The following THEM4 variants were observed in gnomAD, a reference collection of about 807,000 sequenced individuals.
The protein encoded by THEM4 is acyl-coenzyme A thioesterase THEM4.
In THEM4, 22 loss-of-function variants were observed where a neutral mutation model predicts 25.0. The ratio of observed to expected loss-of-function variants is 0.88; its 90% CI spans 0.63 to 1.26. The LOEUF (loss-of-function observed/expected upper bound fraction) is 1.26. Among genes scored for constraint, THEM4 ranks in the 50% most tolerant of loss-of-function variants. THEM4 has a pLI of 0.00. For synonymous variants in THEM4, 113 were observed against 105.6 expected (o/e 1.07, Z -0.43); for missense variants, 286 against 300.3 (o/e 0.95, Z 0.35).
In THEM4 at chr1:151,872,474, A is replaced by G. The variant is rs1653575432; in HGVS notation, c.*2414T>C. Among the ~76,000 whole-genome samples, 1 of 152,226 alleles carries G rather than the reference A, an allele frequency of 6.6e-6. No individual in the cohort carries two copies. The highest frequency in any genetic ancestry group is 2.4e-5 in the African/African-American group (1 of 41,472). The stretch of plus-strand genomic sequence containing the variant: ...GCCCAAATAATCTATTGCCTGCACT[A>G]GGAAGCAGAATATATTTTCCAGAAC... On this transcript the variant is annotated 3_prime_UTR_variant, in exon 6 of 6. Coordinates refer to ENST00000368814, the MANE Select transcript of THEM4 (RefSeq NM_053055.5).
In THEM4 at chr1:151,876,996, C is replaced by G. The variant is rs1377132450; in HGVS notation, c.682+5G>C. On this transcript the variant is annotated splice_donor_5th_base_variant and intron_variant, in intron 5 of 5. Transcript: ENST00000368814. ...CCCAAGAAAGAGATAAGACCAGCTTCTTACTTGTCGCCTCTGAGTATAGGG... is the reference window on the plus strand; with the variant it reads ...CCCAAGAAAGAGATAAGACCAGCTTGTTACTTGTCGCCTCTGAGTATAGGG... The G allele has an allele frequency of 6.2e-7, 1 of 1,603,638 alleles. No individual in the cohort carries two copies. The highest frequency in any genetic ancestry group is 2.2e-5 in the East Asian group (1 of 44,766).
intron 1 of THEM4, among the ~76,000 whole-genome samples, chr1:151,908,882 G>T (rs964035992): frequency 6.6e-6 from 1 of 152,104 alleles, no homozygotes; most frequent in African/African-American, 2.4e-5. Context: ...GCCTGTCTGT[G>T]TAGTTATATA....
intron 4 of THEM4, among the ~76,000 whole-genome samples, chr1:151,879,768 T>A (rs1653771961): frequency 6.6e-6 from 1 of 151,688 alleles, no homozygotes; most frequent in Admixed American, 6.6e-5. Flanking sequence ...GCGATTCTCC[T>A]GCCTCGGCCT....
intron 1 of THEM4, 23 bp downstream of exon 1, chr1:151,909,337 T>C (rs981261255): frequency 6.6e-7 from 1 of 1,510,932 alleles, no homozygotes. Context: ...TCCCGCCCCA[T>C]GCCCGAGGGT....
At chr1:151,896,463 A>C (rs909553875) in intron 1 of THEM4, among the ~76,000 whole-genome samples, 1 of 152,190 alleles carries the variant, frequency 6.6e-6, no homozygotes, top group African/African-American at 2.4e-5. Context: ...TGGGCAAAAG[A>C]GGCATGAAAC....
intron 3 of THEM4, 91 bp from the exon 4 acceptor site, chr1:151,888,474 C>T (rs1385668700): frequency 4.5e-6 from 4 of 894,072 alleles, no homozygotes; most frequent in South Asian, 3.4e-5. Flanking sequence ...AGCATCTTCA[C>T]ACTATTTACT....
At chr1:151,884,967 G>T (rs749817035) in intron 4 of THEM4, among the ~76,000 whole-genome samples, 1 of 151,992 alleles carries the variant, frequency 6.6e-6, no homozygotes, top group African/African-American at 2.4e-5. Context: ...GATTACAGGC[G>T]TGAGCCACCA....
intron 4 of THEM4, among the ~76,000 whole-genome samples, chr1:151,886,971 G>T (rs574226032): frequency 1.0e-3 from 154 of 152,298 alleles, no homozygotes; most frequent in African/African-American, 3.3e-3. Flanking sequence ...ACAAAGATCT[G>T]TTTACAAATG....
rs1257948602 is a variant in THEM4, at chr1:151,893,012, G to A, written c.286+1996C>T. On this transcript the variant is annotated intron_variant, in intron 2 of 5. Transcript: ENST00000368814. ...AGTCAACAGCTGTGCCAAAAGCTGA[G>A]AGGTTAGCGGACTCAGCAACATGAA... Among the ~76,000 whole-genome samples the A allele has an allele frequency of 4.6e-5, 7 of 152,292 alleles. No homozygotes were observed. The South Asian group carries it at 1.0e-3, about 23-fold the overall frequency.
Position 151,871,393 on chromosome 1 carries a change from T to G in THEM4, c.*3495A>C, listed in dbSNP as rs1653552322. On this transcript the variant is annotated 3_prime_UTR_variant, in exon 6 of 6. Transcript: ENST00000368814. The stretch of plus-strand genomic sequence containing the variant: ...GAAGGAAACAGGAAATGAGGAATAG[T>G]TCCATTAGGTCACACAGCAAGCCAG... Among the ~76,000 whole-genome samples the G allele has an allele frequency of 6.6e-6, 1 of 151,856 alleles. No individual in the cohort carries two copies. Among genetic ancestry groups the G allele is most frequent in the Non-Finnish European group, 1.5e-5 (1 of 67,938 alleles).
Position 151,874,680 on chromosome 1 carries a change from G to C in THEM4, c.*208C>G. On this transcript the variant is annotated 3_prime_UTR_variant, in exon 6 of 6. Transcript: ENST00000368814. Reference sequence around the variant, plus strand: ...GTGAGCCACAGCGCCTGGCCCGAGAGTTGTCGATATGCTCGCAGGAAGTAT... The same window carrying C: ...GTGAGCCACAGCGCCTGGCCCGAGACTTGTCGATATGCTCGCAGGAAGTAT... 1 of 630,626 alleles carries C rather than the reference G, an allele frequency of 1.6e-6. No individual in the cohort carries two copies. Among genetic ancestry groups the C allele is most frequent in the East Asian group, 2.6e-5 (1 of 37,894 alleles). The allele number at this position is 630,626 out of a possible 1,614,324, so 39.1% of individuals were successfully genotyped here. A position where few individuals can be genotyped will look rare whatever the true frequency, so the allele number is the denominator to read the frequency against.
chr1:151,883,903 C>G (rs1254595797), intron 4 of THEM4, among the ~76,000 whole-genome samples: 1 of 151,822 alleles, frequency 6.6e-6, no homozygotes, highest in Non-Finnish European at 1.5e-5. Flanking sequence ...GGTGAAACCT[C>G]GTCTCTACTA....
Position 151,873,282 on chromosome 1 carries a change from T to A in THEM4, c.*1606A>T, listed in dbSNP as rs946914571. Among the ~76,000 whole-genome samples, 10 of 152,314 alleles carry A rather than the reference T, an allele frequency of 6.6e-5. No individual in the cohort carries two copies. Among genetic ancestry groups the A allele is most frequent in the African/African-American group, 2.4e-4 (10 of 41,578 alleles). ...CCCCACTATCACCCTGTTCTCCTGC[T>A]GCATTCCCCTTGCCGAGATAGTGAA... is the stretch of plus-strand genomic sequence containing the variant. On this transcript the variant is annotated 3_prime_UTR_variant, in exon 6 of 6. Coordinates refer to ENST00000368814, the MANE Select transcript of THEM4 (RefSeq NM_053055.5).
At chr1:151,877,944 A>C (rs1222087525) in intron 4 of THEM4, among the ~76,000 whole-genome samples, 1 of 152,092 alleles carries the variant, frequency 6.6e-6, no homozygotes, top group Non-Finnish European at 1.5e-5. Flanking sequence ...CAAGCAGATG[A>C]TGGAACTACC....
chr1:151,895,919 C>T (rs1242717308), intron 1 of THEM4, among the ~76,000 whole-genome samples: 3 of 150,972 alleles, frequency 2.0e-5, no homozygotes, highest in Non-Finnish European at 4.4e-5. Flanking sequence ...CACTCTTGCT[C>T]TTGCTGTGTC....
intron 1 of THEM4, 21 bp from the exon 2 acceptor site, chr1:151,895,215 A>G: frequency 6.4e-7 from 1 of 1,574,776 alleles, no homozygotes; most frequent in Non-Finnish European, 8.6e-7. Context: ...GAAGAAAAAG[A>G]AAAGTAAGTA....
rs1653592981 is a variant in THEM4, at chr1:151,873,155, A to C, written c.*1733T>G. ...TACACTGAGATGTTTGGGTGGAGAG[A>C]AGCATAAATCTGGCCTACGTACACA... is the stretch of plus-strand genomic sequence containing the variant. On this transcript the variant is annotated 3_prime_UTR_variant, in exon 6 of 6. Transcript: ENST00000368814. Among the ~76,000 whole-genome samples the C allele has an allele frequency of 2.0e-5, 3 of 152,224 alleles. No homozygotes were observed. The South Asian group carries it at 6.2e-4, about 32-fold the overall frequency.
At chr1:151,898,050 C>T (rs1409583021) in intron 1 of THEM4, among the ~76,000 whole-genome samples, 2 of 152,176 alleles carry the variant, frequency 1.3e-5, no homozygotes, top group East Asian at 3.8e-4. Flanking sequence ...AATTCTGCGG[C>T]TGAACTTTGT....
intron 1 of THEM4, among the ~76,000 whole-genome samples, chr1:151,907,599 A>T (rs1010898319): frequency 6.6e-6 from 1 of 152,184 alleles, no homozygotes; most frequent in Non-Finnish European, 1.5e-5. Context: ...GAGTGCACTC[A>T]ATAAAGTTCT....
Sources: allele counts gnomAD v4.1 joint callset (sites outside exome capture counted in the v4.1 genomes callset), GRCh38; gene constraint gnomAD v4.1.1; transcripts MANE v1.5; gene names NCBI Gene and HGNC (gene_info 2026-07-23, HGNC 2026-07-21).